The following NDRG3 variants were observed in gnomAD, a reference collection of about 807,000 sequenced individuals.
NDRG3 encodes the protein protein NDRG3.
NDRG3 carries 23 observed loss-of-function variants against 57.2 expected under a neutral mutation model. The observed-to-expected ratio is 0.40, with a 90% confidence interval of 0.29 to 0.57. The LOEUF is 0.57. Among genes scored for constraint, NDRG3 ranks in the 20% least tolerant of loss-of-function variants. NDRG3 has a pLI of 0.42. For missense variants in NDRG3, 384 were observed against 457.3 expected, an observed-to-expected ratio of 0.84 and a Z score of 1.46; for synonymous variants, 132 against 162.6, an observed-to-expected ratio of 0.81 and a Z score of 1.43.
intron 2 of NDRG3, among the ~76,000 whole-genome samples, chr20:36,715,048 ATATATATT>A (rs1401259839): frequency 2.6e-5 from 3 of 114,866 alleles, no homozygotes; most frequent in Non-Finnish European, 5.5e-5. Context: ...ATATATATAT[ATATATATT>A]ATATTTAAGT....
chr20:36,700,112 T>C (rs1369362740), intron 3 of NDRG3, among the ~76,000 whole-genome samples: 2 of 91,184 alleles, frequency 2.2e-5, no homozygotes, highest in Non-Finnish European at 2.1e-5. Context: ...ACAATCAGTC[T>C]CAAAAAAAAA....
chr20:36,692,066 A>G (rs1043868368), intron 3 of NDRG3, among the ~76,000 whole-genome samples: 1 of 152,234 alleles, frequency 6.6e-6, no homozygotes, highest in African/African-American at 2.4e-5. Flanking sequence ...AAGTAAGAAG[A>G]CATTACCTTC....
At chr20:36,658,330 T>C (rs1446711776) in intron 13 of NDRG3, among the ~76,000 whole-genome samples, 2 of 152,038 alleles carry the variant, frequency 1.3e-5, no homozygotes, top group Non-Finnish European at 2.9e-5. Context: ...TGAGGTTTCA[T>C]CATGTTGGGC....
At chr20:36,672,818 G>T (rs1429571775) in intron 8 of NDRG3, among the ~76,000 whole-genome samples, 2 of 148,094 alleles carry the variant, frequency 1.4e-5, no homozygotes, top group East Asian at 2.0e-4. Flanking sequence ...AACAGAGCAA[G>T]ATTCCGTCTC....
chr20:36,736,288 G>C (rs955943855), intron 1 of NDRG3, among the ~76,000 whole-genome samples: 1 of 152,236 alleles, frequency 6.6e-6, no homozygotes, highest in Admixed American at 6.5e-5. Context: ...CGTAGGGCCT[G>C]AGTATTGTTT....
chr20:36,695,226 G>A (rs950231587), intron 3 of NDRG3, among the ~76,000 whole-genome samples: 26 of 152,142 alleles, frequency 1.7e-4, no homozygotes, highest in African/African-American at 6.0e-4. Context: ...TTCGTAAGCT[G>A]AGGATGTATG....
chr20:36,714,541 A>C (rs1469713441), intron 2 of NDRG3, among the ~76,000 whole-genome samples: 1 of 150,238 alleles, frequency 6.7e-6, no homozygotes, highest in Non-Finnish European at 1.5e-5. Context: ...TCCTGGGTTC[A>C]AGCCATTCTC....
At chr20:36,737,813 C>T (rs986004135) in intron 1 of NDRG3, among the ~76,000 whole-genome samples, 1 of 152,136 alleles carries the variant, frequency 6.6e-6, no homozygotes, top group African/African-American at 2.4e-5. Flanking sequence ...GGCGCAGTGG[C>T]TGATACCTGT....
At chr20:36,702,136 A>G (rs1031059541) in intron 3 of NDRG3, among the ~76,000 whole-genome samples, 1 of 151,886 alleles carries the variant, frequency 6.6e-6, no homozygotes, top group Non-Finnish European at 1.5e-5. Flanking sequence ...TACTCTGGGA[A>G]ATGTCAACTT....
intron 4 of NDRG3, among the ~76,000 whole-genome samples, chr20:36,687,825 T>C (rs1307105487): frequency 6.6e-6 from 1 of 152,240 alleles, no homozygotes; most frequent in Non-Finnish European, 1.5e-5. Flanking sequence ...CAATTCTTAA[T>C]TCTAAATAAT....
intron 13 of NDRG3, among the ~76,000 whole-genome samples, chr20:36,657,975 C>G (rs969448428): frequency 6.6e-6 from 1 of 152,088 alleles, no homozygotes; most frequent in Non-Finnish European, 1.5e-5. Flanking sequence ...AGAATCAGTT[C>G]AATCTGCCAT....
At chr20:36,700,604 C>T (rs1030764223) in intron 3 of NDRG3, 1 of 420,112 alleles carries the variant, frequency 2.4e-6, no homozygotes, top group Non-Finnish European at 4.8e-6. Flanking sequence ...AGTCAATTAT[C>T]ATCTGTTTTA....
intron 13 of NDRG3, among the ~76,000 whole-genome samples, chr20:36,660,024 C>T (rs959777544): frequency 1.3e-5 from 2 of 151,664 alleles, no homozygotes; most frequent in Admixed American, 6.6e-5. Context: ...CTGGCTAACA[C>T]GGTGAAACCC....
At position 36,688,765 on chromosome 20, in the gene NDRG3, G is replaced by A; in HGVS notation, c.113C>T (p.Thr38Ile). Residue 38 changes from threonine (T) to isoleucine (I), a missense_variant, in exon 4 of 16, where the codon ACT (threonine) becomes ATT (isoleucine). Coordinates refer to ENST00000349004, the MANE Select transcript of NDRG3 (RefSeq NM_032013.4). ...TATAGTGACGTGGACCACACCATGA[G>A]TTGTTTCTATATCATGTTCCTGTAA... ...FDCQEHDIET[T>I]HGVVHVTIRG... 1 of 1,613,350 alleles carries A rather than the reference G, an allele frequency of 6.2e-7. No homozygotes were observed. The highest frequency in any genetic ancestry group is 2.2e-5 in the East Asian group (1 of 44,880).
Position 36,704,053 on chromosome 20 carries a change from T to C in NDRG3, c.93+2919A>G, listed in dbSNP as rs143448971. Among the ~76,000 whole-genome samples the C allele has an allele frequency of 1.7e-3, 256 of 152,222 alleles. 3 individuals are homozygous for C. The Middle Eastern group carries it at 0.024, about 14-fold the overall frequency. ...TTTATTTTGCAACAAGTATGTAATC[T>C]TTTATATTCTAATTTTTTCTCTTTT... On this transcript the variant is annotated intron_variant, in intron 3 of 15. Coordinates refer to ENST00000349004, the MANE Select transcript of NDRG3 (RefSeq NM_032013.4).
rs576014941 is a variant in NDRG3, at chr20:36,733,696, C to G, written c.-48-11913G>C. ...TGGGTGACAGAGCGAGACTCCATCT[C>G]AAAAAAAAAATAAAAAAAAATAAAA... On this transcript the variant is annotated intron_variant, in intron 1 of 15. Transcript: ENST00000349004. Among the ~76,000 whole-genome samples the G allele has an allele frequency of 3.3e-4, 47 of 142,552 alleles. 1 individual carries two copies. Among genetic ancestry groups the G allele is most frequent in the Admixed American group, 7.8e-4 (11 of 14,066 alleles). 93.5% of individuals were successfully genotyped at this position (142,552 alleles called of 152,430 possible). A position where few individuals can be genotyped will look rare whatever the true frequency, so the allele number is the denominator to read the frequency against.
intron 8 of NDRG3, among the ~76,000 whole-genome samples, chr20:36,673,617 G>A (rs1022371664): frequency 2.0e-5 from 3 of 151,950 alleles, no homozygotes; most frequent in African/African-American, 7.3e-5. Context: ...TGTTGGCCAG[G>A]TGGCCAGGCC....
intron 9 of NDRG3, 83 bp from the exon 10 acceptor site, chr20:36,666,475 C>T: frequency 1.0e-6 from 1 of 1,000,238 alleles, no homozygotes; most frequent in Non-Finnish European, 1.6e-6. Context: ...TTCATTACCA[C>T]AAGCCAAATC....
chr20:36,675,739 C>G (rs1247875123), intron 8 of NDRG3, among the ~76,000 whole-genome samples: 6 of 151,992 alleles, frequency 3.9e-5, no homozygotes, highest in Non-Finnish European at 8.8e-5. Context: ...CCAGGCTGGT[C>G]TCTAACTCGT....
Sources: gnomAD v4.1 joint callset for allele counts (sites outside exome capture counted in the v4.1 genomes callset) on GRCh38, gnomAD v4.1.1 for gene constraint, MANE v1.5 for transcripts, NCBI Gene and HGNC (gene_info 2026-07-23, HGNC 2026-07-21) for gene names.